CD226: variants seen among roughly 807,000 people sequenced by gnomAD.
CD226 encodes the protein CD226 antigen.
Under a neutral mutation model 34.9 loss-of-function variants are expected in CD226, and 24 were observed. The ratio of observed to expected loss-of-function variants is 0.69; its 90% CI spans 0.50 to 0.97. The LOEUF (loss-of-function observed/expected upper bound fraction) is 0.97, where lower values mean the gene tolerates loss of function less well. Ranked by LOEUF, CD226 falls within the 50% of genes least tolerant of loss-of-function variation. CD226 has a pLI of 0.00. For synonymous variants in CD226, 148 were observed against 147.4 expected (o/e 1.00, Z -0.03); for missense variants, 397 against 412.7 (o/e 0.96, Z 0.33).
At chr18:69,943,144 T>C (rs899895221) in intron 2 of CD226, among the ~76,000 whole-genome samples, 2 of 152,198 alleles carry the variant, frequency 1.3e-5, no homozygotes, top group African/African-American at 4.8e-5. Flanking sequence ...TACCTCCCCA[T>C]AGTGCTTCAT....
At chr18:69,880,330 G>GAA (rs1179713942) in intron 3 of CD226, among the ~76,000 whole-genome samples, 5,160 of 134,792 alleles carry the variant, frequency 0.038, 354 homozygotes, top group African/African-American at 0.13. Context: ...AAAAGAAAGA[G>GAA]AGAAAGAAAG....
intron 2 of CD226, among the ~76,000 whole-genome samples, chr18:69,932,542 C>A (rs537238856): frequency 1.3e-5 from 2 of 152,230 alleles, no homozygotes; most frequent in African/African-American, 4.8e-5. Context: ...CCTGGCACCA[C>A]TACCCACTTA....
In CD226 at chr18:69,947,358, T is replaced by A; in HGVS notation, c.46+3A>T. 3 of 1,541,970 alleles carry A rather than the reference T, an allele frequency of 1.9e-6. No homozygotes were observed. The highest frequency in any genetic ancestry group is 2.7e-6 in the Non-Finnish European group (3 of 1,130,274). On this transcript the variant is annotated splice_donor_region_variant and intron_variant, in intron 1 of 5. Coordinates refer to ENST00000582621, the MANE Select transcript of CD226 (RefSeq NM_001303618.2). ...TAAATGAAAATATAAAGATCATCTT[T>A]ACCTCTGTATACATGAAGAAGAGCC...
At position 69,853,398 on chromosome 18, in the gene CD226, C is replaced by T. The variant is rs1395632287; in HGVS notation, c.*10916G>A. 6.6e-6 allele frequency: 1 copy of T among 152,078 alleles called. No homozygotes were observed. Among genetic ancestry groups the T allele is most frequent in the Non-Finnish European group, 1.5e-5 (1 of 68,018 alleles). The allele number at this position is 152,078 out of a possible 1,614,324, so 9.4% of individuals were successfully genotyped here. On this transcript the variant is annotated 3_prime_UTR_variant, in exon 6 of 6. Coordinates refer to ENST00000582621, the MANE Select transcript of CD226 (RefSeq NM_001303618.2). ...ACCTTCTGCCCTCTGTTGTGTTCAT[C>T]TTCCTTCCTATTGTGTTTTTTTCTC...
chr18:69,890,820 T>A (rs1216463070), intron 3 of CD226, among the ~76,000 whole-genome samples: 2 of 152,104 alleles, frequency 1.3e-5, no homozygotes, highest in Non-Finnish European at 2.9e-5. Context: ...CCATCACTGA[T>A]CCCAGGACCA....
intron 3 of CD226, among the ~76,000 whole-genome samples, chr18:69,876,589 GA>G (rs144686867): frequency 6.6e-6 from 1 of 151,866 alleles, no homozygotes; most frequent in Non-Finnish European, 1.5e-5. Flanking sequence ...CACCTGTGTA[GA>G]AAAAAAACTC....
At chr18:69,927,145 G>A (rs1383554242) in intron 2 of CD226, among the ~76,000 whole-genome samples, 1 of 152,116 alleles carries the variant, frequency 6.6e-6, no homozygotes, top group Non-Finnish European at 1.5e-5. Flanking sequence ...CCTTCAGAAA[G>A]ATGTTGAAGG....
intron 2 of CD226, among the ~76,000 whole-genome samples, chr18:69,916,172 A>T (rs2055383531): frequency 6.6e-6 from 1 of 152,246 alleles, no homozygotes; most frequent in Non-Finnish European, 1.5e-5. Flanking sequence ...ATAACCACAC[A>T]GATACTGATT....
intron 3 of CD226, among the ~76,000 whole-genome samples, chr18:69,893,095 T>C (rs1375606174): frequency 6.6e-6 from 1 of 152,158 alleles, no homozygotes; most frequent in African/African-American, 2.4e-5. Flanking sequence ...CTTTCACTTA[T>C]AAAAATTGAA....
chr18:69,882,544 G>A (rs570048011), intron 3 of CD226, among the ~76,000 whole-genome samples: 1 of 152,156 alleles, frequency 6.6e-6, no homozygotes, highest in Non-Finnish European at 1.5e-5. Context: ...TGAGAAAAAT[G>A]TTACGGCTGA....
chr18:69,943,821 A>G (rs1359289368), intron 2 of CD226, among the ~76,000 whole-genome samples: 1 of 152,224 alleles, frequency 6.6e-6, no homozygotes, highest in Non-Finnish European at 1.5e-5. Flanking sequence ...GAGGAAGTCT[A>G]TGAAGATCCA....
chr18:69,861,572 A>G lies in CD226; in HGVS notation c.*2742T>C, dbSNP rs1048930657. On this transcript the variant is annotated 3_prime_UTR_variant, in exon 6 of 6. Transcript: ENST00000582621. Reference sequence around the variant, plus strand: ...TATATATGTATATATATATATATATATGTAAAACTTAAGAAGCATTTTGCT... The same window carrying G: ...TATATATGTATATATATATATATATGTGTAAAACTTAAGAAGCATTTTGCT... The G allele has an allele frequency of 2.1e-5, 3 of 144,928 alleles. No individual in the cohort carries two copies. The highest frequency in any genetic ancestry group is 6.9e-5 in the Admixed American group (1 of 14,480). The allele number at this position is 144,928 out of a possible 1,614,324, so 9.0% of individuals were successfully genotyped here.
At chr18:69,884,039 A>G (rs147854788) in intron 3 of CD226, among the ~76,000 whole-genome samples, 1 of 152,356 alleles carries the variant, frequency 6.6e-6, no homozygotes, top group Non-Finnish European at 1.5e-5. Context: ...CATGGGTTGT[A>G]TAAACATTTA....
At chr18:69,899,526 T>C (rs1985483428) in intron 2 of CD226, among the ~76,000 whole-genome samples, 1 of 152,186 alleles carries the variant, frequency 6.6e-6, no homozygotes, top group Non-Finnish European at 1.5e-5. Context: ...ATTTGCAAAC[T>C]ATGCATCTGA....
Position 69,920,051 on chromosome 18 carries a change from A to G in CD226, c.383-24006T>C, listed in dbSNP as rs952312802. ...GCTAATTTTTATATTTTTTTGTAGC[A>G]ACAGGGTTTTGCCAAGTTGCCCAGG... On this transcript the variant is annotated intron_variant, in intron 2 of 5. Coordinates refer to ENST00000582621, the MANE Select transcript of CD226 (RefSeq NM_001303618.2). Among the ~76,000 whole-genome samples, 5 of 151,958 alleles carry G rather than the reference A, an allele frequency of 3.3e-5. No individual in the cohort carries two copies. The East Asian group carries it at 7.7e-4, about 23-fold the overall frequency.
intron 2 of CD226, among the ~76,000 whole-genome samples, chr18:69,899,998 C>CT (rs1161324956): frequency 3.3e-5 from 5 of 152,106 alleles, no homozygotes; most frequent in Non-Finnish European, 5.9e-5. Context: ...CACTGCAGCA[C>CT]TAATCACAAT....
chr18:69,908,961 C>T (rs1053226887), intron 2 of CD226, among the ~76,000 whole-genome samples: 5 of 152,230 alleles, frequency 3.3e-5, no homozygotes, highest in African/African-American at 4.8e-5. Flanking sequence ...GCCACCTTAT[C>T]CTGTGATGCC....
chr18:69,951,762 A>G (rs1168897493), upstream of CD226, among the ~76,000 whole-genome samples: 1 of 152,230 alleles, frequency 6.6e-6, no homozygotes, highest in East Asian at 1.9e-4. Context: ...GGAAATTGAA[A>G]TGATGATCAA....
At chr18:69,900,624 C>T (rs11663094) in intron 2 of CD226, among the ~76,000 whole-genome samples, 143 of 149,112 alleles carry the variant, frequency 9.6e-4, no homozygotes, top group East Asian at 5.3e-3. Flanking sequence ...CCCAGCTACT[C>T]GGGAGGCTGA....
Sources: gnomAD v4.1 joint callset for allele counts (sites outside exome capture counted in the v4.1 genomes callset) on GRCh38, gnomAD v4.1.1 for gene constraint, MANE v1.5 for transcripts, NCBI Gene and HGNC (gene_info 2026-07-23, HGNC 2026-07-21) for gene names.